The following ARL6IP5 variants were observed in gnomAD, a reference collection of about 807,000 sequenced individuals.
The protein encoded by ARL6IP5 is PRA1 family protein 3.
ARL6IP5 carries 6 observed loss-of-function variants against 13.0 expected under a neutral mutation model. The observed-to-expected ratio is 0.46, with a 90% CI of 0.25 to 0.91. The LOEUF (loss-of-function observed/expected upper bound fraction) is 0.91, where lower values mean the gene tolerates loss of function less well. Among genes scored for constraint, ARL6IP5 ranks in the 40% least tolerant of loss-of-function variants. The pLI is 0.17. For synonymous variants in ARL6IP5, 91 were observed against 91.9 expected (o/e 0.99, Z 0.06); for missense variants, 208 against 248.8 (o/e 0.84, Z 1.10).
intron 2 of ARL6IP5, among the ~76,000 whole-genome samples, chr3:69,103,600 G>A (rs2092312897): frequency 6.6e-6 from 1 of 152,070 alleles, no homozygotes. Flanking sequence ...TCCACATCAG[G>A]GTTTTTCAAA....
intron 1 of ARL6IP5, among the ~76,000 whole-genome samples, chr3:69,085,620 C>T (rs2092245386): frequency 1.3e-5 from 2 of 152,192 alleles, no homozygotes; most frequent in Non-Finnish European, 2.9e-5. Flanking sequence ...TACCCTGGAG[C>T]TGGCTGGGGC....
rs946547345 is a variant in ARL6IP5 at position 69,104,834 on chromosome 3, C to T, written c.*198C>T. Reference sequence around the variant, plus strand: ...GACCTCAGAAACCGAAAGAAAACCACCACCCTCCTATTGTGTCTGAAGTTT... The same window carrying T: ...GACCTCAGAAACCGAAAGAAAACCATCACCCTCCTATTGTGTCTGAAGTTT... On this transcript the variant is annotated 3_prime_UTR_variant, in exon 3 of 3. Transcript: ENST00000273258. The T allele has an allele frequency of 1.4e-6, 1 of 716,574 alleles. No homozygotes were observed. The highest frequency in any genetic ancestry group is 2.0e-5 in the Admixed American group (1 of 49,698). 44.4% of individuals were successfully genotyped at this position (716,574 alleles called of 1,614,324 possible).
At chr3:69,086,459 G>A (rs943373906) in intron 1 of ARL6IP5, among the ~76,000 whole-genome samples, 3 of 152,242 alleles carry the variant, frequency 2.0e-5, no homozygotes, top group African/African-American at 7.2e-5. Context: ...CCATGCAGAG[G>A]TGGAAGCCCA....
intron 1 of ARL6IP5, among the ~76,000 whole-genome samples, chr3:69,097,624 A>AT (rs2092291203): frequency 6.6e-6 from 1 of 152,080 alleles, no homozygotes; most frequent in Admixed American, 6.6e-5. Context: ...GTATAAGGGA[A>AT]TTTTTTCTTT....
intron 1 of ARL6IP5, among the ~76,000 whole-genome samples, chr3:69,092,334 G>C (rs1347184673): frequency 6.6e-6 from 1 of 152,138 alleles, no homozygotes; most frequent in Non-Finnish European, 1.5e-5. Context: ...GCAGAAATTG[G>C]GGGTTAGTGA....
intron 1 of ARL6IP5, among the ~76,000 whole-genome samples, chr3:69,095,816 T>G (rs2092285174): frequency 6.6e-6 from 1 of 152,122 alleles, no homozygotes; most frequent in African/African-American, 2.4e-5. Context: ...TCTAGGACTA[T>G]CAGTAAGTGA....
chr3:69,089,571 G>C (rs1285442889), intron 1 of ARL6IP5, among the ~76,000 whole-genome samples: 1 of 150,290 alleles, frequency 6.7e-6, no homozygotes, highest in African/African-American at 2.5e-5. Flanking sequence ...TCGGGAGGCA[G>C]AGATGGGAGG....
At chr3:69,099,137 G>GC (rs1559654381) in intron 1 of ARL6IP5, among the ~76,000 whole-genome samples, 19 of 56,526 alleles carry the variant, frequency 3.4e-4, no homozygotes, top group African/African-American at 2.1e-3. Flanking sequence ...GGCGGGGGGG[G>GC]TGGGGGGTGG....
intron 1 of ARL6IP5, among the ~76,000 whole-genome samples, chr3:69,087,451 G>C (rs2092252017): frequency 6.6e-6 from 1 of 151,824 alleles, no homozygotes; most frequent in African/African-American, 2.4e-5. Context: ...ACTTAGATGT[G>C]GGGCAAAGTT....
rs566049409 is a variant in ARL6IP5, at chr3:69,101,344, A to G, written c.177-495A>G. ...TTTTTTTTTTTTTTTTTTTAATGAG[A>G]TAAGGTCTCACTCTGTCACCCAGCC... On this transcript the variant is annotated intron_variant, in intron 1 of 2. Transcript: ENST00000273258. Among the ~76,000 whole-genome samples the G allele has an allele frequency of 3.5e-5, 4 of 114,354 alleles. No homozygotes were observed. In the East Asian group the frequency reaches 1.5e-3, roughly 43 times the overall value. 75.0% of individuals were successfully genotyped at this position (114,354 alleles called of 152,430 possible).
chr3:69,104,432 T>C, intron 2 of ARL6IP5, 32 bp from the exon 3 acceptor site: 1 of 1,592,526 alleles, frequency 6.3e-7, no homozygotes, highest in Non-Finnish European at 8.6e-7. Context: ...GAATTGTTGC[T>C]TTGGTGTTAA....
chr3:69,087,338 G>A (rs1044313691), intron 1 of ARL6IP5, among the ~76,000 whole-genome samples: 4 of 152,220 alleles, frequency 2.6e-5, no homozygotes, highest in Non-Finnish European at 4.4e-5. Context: ...AAAATAAGTA[G>A]TAAATAGGTT....
chr3:69,089,242 TC>T (rs2092257427), intron 1 of ARL6IP5, among the ~76,000 whole-genome samples: 1 of 152,144 alleles, frequency 6.6e-6, no homozygotes, highest in Non-Finnish European at 1.5e-5. Flanking sequence ...GGTCCAGGCA[TC>T]TGTTGTTTTT....
chr3:69,105,234 TTTTTGTAA>T lies in ARL6IP5; in HGVS notation c.*599_*606del. On this transcript the variant is annotated 3_prime_UTR_variant, in exon 3 of 3. Coordinates refer to ENST00000273258, the MANE Select transcript of ARL6IP5 (RefSeq NM_006407.4). ...TAGCTGTTTAGGATATTTTGTTACATTTTTGTAAATTTTTGAAATGCTAGTAATGTGTT... is the reference window on the plus strand; with the variant it reads ...TAGCTGTTTAGGATATTTTGTTACATATTTTTGAAATGCTAGTAATGTGTT... 4.8e-6 allele frequency: 1 copy of T among 206,380 alleles called. No individual in the cohort carries two copies. The highest frequency in any genetic ancestry group is 5.5e-5 in the Admixed American group (1 of 18,302). The allele number at this position is 206,380 out of a possible 1,614,324, so 12.8% of individuals were successfully genotyped here.
chr3:69,089,445 T>G (rs1212135725), intron 1 of ARL6IP5, among the ~76,000 whole-genome samples: 2 of 152,088 alleles, frequency 1.3e-5, no homozygotes, highest in Non-Finnish European at 2.9e-5. Flanking sequence ...AGCTCTTGAT[T>G]AACCAAATTC....
At position 69,084,964 on chromosome 3, in the gene ARL6IP5, TCAACTCTC is replaced by T. The variant is rs1469151454; in HGVS notation, c.-77_-70del. 1.2e-5 allele frequency: 19 copies of T among 1,530,328 alleles called. 1 individual carries two copies. The highest frequency in any genetic ancestry group is 1.1e-5 in the Non-Finnish European group (12 of 1,134,538). 94.8% of individuals were successfully genotyped at this position (1,530,328 alleles called of 1,614,324 possible). On this transcript the variant is annotated 5_prime_UTR_variant, in exon 1 of 3. Coordinates refer to ENST00000273258, the MANE Select transcript of ARL6IP5 (RefSeq NM_006407.4). ...AAAGCCGACCGAGACGGAGCCGCTG[TCAACTCTC>T]CAACTCAGCTCAGCTGATCGGTTGC...
At chr3:69,102,335 C>A in intron 2 of ARL6IP5, 1 of 449,200 alleles carries the variant, frequency 2.2e-6, no homozygotes, top group Non-Finnish European at 4.1e-6. Flanking sequence ...GAGATGGGGT[C>A]TACTCTGTCA....
intron 2 of ARL6IP5, 103 bp downstream of exon 2, chr3:69,102,159 A>C: frequency 2.3e-6 from 3 of 1,287,562 alleles, no homozygotes; most frequent in Non-Finnish European, 3.3e-6. Context: ...GCATGTCAGC[A>C]AAAGTGTCAG....
chr3:69,089,803 C>T (rs2107510769), intron 1 of ARL6IP5: 1 of 456,588 alleles, frequency 2.2e-6, no homozygotes, highest in South Asian at 1.5e-5. Context: ...TTTGTGCCTC[C>T]CCCTTTAGAT....
Sources: gnomAD v4.1 joint callset for allele counts (sites outside exome capture counted in the v4.1 genomes callset) on GRCh38, gnomAD v4.1.1 for gene constraint, MANE v1.5 for transcripts, NCBI Gene and HGNC (gene_info 2026-07-23, HGNC 2026-07-21) for gene names.